GAPVD1: variants seen among roughly 807,000 people sequenced by gnomAD.
GAPVD1 encodes the protein GTPase activating protein and VPS9 domains 1, also known as GTPase-activating protein and VPS9 domain-containing protein 1.
In GAPVD1, 35 loss-of-function variants were observed where a neutral mutation model predicts 155.5. The ratio of observed to expected loss-of-function variants is 0.23; its 90% CI spans 0.17 to 0.30. GAPVD1 has a LOEUF of 0.30. Ranked by LOEUF, GAPVD1 falls within the 10% of genes least tolerant of loss-of-function variation. GAPVD1 has a pLI of 1.00. For synonymous variants in GAPVD1, 636 were observed against 619.7 expected, an observed-to-expected ratio of 1.03 and a Z score of -0.39; for missense variants, 1,429 against 1,775.7, an observed-to-expected ratio of 0.80 and a Z score of 3.51.
At position 125,325,291 on chromosome 9, in the gene GAPVD1, G is replaced by A. The variant is rs1267562114; in HGVS notation, c.1859-1125G>A. On this transcript the variant is annotated intron_variant, in intron 11 of 27. Coordinates refer to ENST00000297933, the MANE Select transcript of GAPVD1 (RefSeq NM_001282680.3). ...AATCCCTAGCACTTTGGGAGGCCAA[G>A]ACAGGCGGATCATGAGGTCAGGAGA... is the stretch of plus-strand genomic sequence containing the variant. Among the ~76,000 whole-genome samples, 3 of 151,354 alleles carry A rather than the reference G, an allele frequency of 2.0e-5. No homozygotes were observed. In the East Asian group the frequency reaches 5.9e-4, roughly 30 times the overall value.
intron 15 of GAPVD1, chr9:125,335,357 G>T: frequency 2.9e-5 from 14 of 482,556 alleles, no homozygotes; most frequent in South Asian, 7.6e-5. Context: ...GCTTTTTTGT[G>T]TTACCATTAA....
chr9:125,293,733 T>C (rs904730308), intron 2 of GAPVD1, among the ~76,000 whole-genome samples: 8 of 80,266 alleles, frequency 1.0e-4, no homozygotes, highest in Non-Finnish European at 1.5e-4. Flanking sequence ...TATAAATATA[T>C]ATTTTATGTT....
chr9:125,271,169 C>T (rs191103026), intron 2 of GAPVD1, among the ~76,000 whole-genome samples: 1 of 152,088 alleles, frequency 6.6e-6, no homozygotes, highest in Admixed American at 6.6e-5. Flanking sequence ...TTAAAAAATA[C>T]AGGCTTTAAA....
rs1465487683 is a variant in GAPVD1 at position 125,363,572 on chromosome 9, C to G, written c.*826C>G. 1 of 152,354 alleles carries G rather than the reference C, an allele frequency of 6.6e-6. No individual in the cohort carries two copies. The highest frequency in any genetic ancestry group is 2.4e-5 in the African/African-American group (1 of 41,430). 9.4% of individuals were successfully genotyped at this position (152,354 alleles called of 1,614,324 possible). On this transcript the variant is annotated 3_prime_UTR_variant, in exon 28 of 28. Coordinates refer to ENST00000297933, the MANE Select transcript of GAPVD1 (RefSeq NM_001282680.3). ...ATTAGGAGATAGACTGATTACCATA[C>G]ATGACATAAAAAGGAACAGTGGATA...
At chr9:125,324,193 C>T (rs1844802541) in intron 11 of GAPVD1, among the ~76,000 whole-genome samples, 1 of 152,082 alleles carries the variant, frequency 6.6e-6, no homozygotes, top group Non-Finnish European at 1.5e-5. Flanking sequence ...TGTAAATACT[C>T]AAGGCTCAAG....
chr9:125,265,498 C>T (rs1029564084), intron 1 of GAPVD1, among the ~76,000 whole-genome samples: 2 of 151,610 alleles, frequency 1.3e-5, no homozygotes, highest in African/African-American at 4.8e-5. Flanking sequence ...GAAACCTCTG[C>T]CTCCCGGGTT....
At position 125,326,564 on chromosome 9, in the gene GAPVD1, T is replaced by C; in HGVS notation, c.2007T>C (p.Asp669=). The part of the protein sequence containing the change: ...VLGSDFDPNI[D]EDRLQEIAGA... Reference sequence around the variant, plus strand: ...GAAGTGACTTTGACCCTAATATTGATGAAGATCGCTTGCAAGAAATTGCAG... The same window carrying C: ...GAAGTGACTTTGACCCTAATATTGACGAAGATCGCTTGCAAGAAATTGCAG... Residue 669 remains aspartate, a synonymous_variant, in exon 12 of 28, where the codon GAT becomes GAC. Coordinates refer to ENST00000297933, the MANE Select transcript of GAPVD1 (RefSeq NM_001282680.3). 6.2e-7 allele frequency: 1 copy of C among 1,612,568 alleles called. No homozygotes were observed. The highest frequency in any genetic ancestry group is 1.1e-5 in the South Asian group (1 of 90,864).
intron 2 of GAPVD1, among the ~76,000 whole-genome samples, chr9:125,293,801 T>A (rs1223202872): frequency 6.3e-5 from 8 of 126,968 alleles, no homozygotes; most frequent in African/African-American, 2.3e-4. Flanking sequence ...TATATAAAAA[T>A]TTTTATATTT....
intron 9 of GAPVD1, among the ~76,000 whole-genome samples, chr9:125,313,206 A>G (rs1199193044): frequency 6.6e-6 from 1 of 152,080 alleles, no homozygotes; most frequent in Admixed American, 6.6e-5. Flanking sequence ...CCCGATCTCC[A>G]AATACCATCA....
chr9:125,281,543 T>C (rs1025726973), intron 2 of GAPVD1, among the ~76,000 whole-genome samples: 1 of 152,200 alleles, frequency 6.6e-6, no homozygotes, highest in African/African-American at 2.4e-5. Flanking sequence ...ATTATTAACA[T>C]CTTATATTAG....
chr9:125,355,603 T>C (rs770696374), intron 24 of GAPVD1, 41 bp from the exon 25 acceptor site: 8 of 1,186,726 alleles, frequency 6.7e-6, no homozygotes, highest in Non-Finnish European at 9.6e-6. Flanking sequence ...ATTTAGATAG[T>C]TTTTATTAAA....
At position 125,359,426 on chromosome 9, in the gene GAPVD1, T is replaced by A; in HGVS notation, c.3978T>A (p.Leu1326=). Residue 1326 remains leucine, a synonymous_variant, in exon 26 of 28, where the codon CTT becomes CTA. Transcript: ENST00000297933. ...TATTTTGGGGGGTTTTCAGGGTTCT[T>A]CATGAACATATCCAGAGATTGTCTA... ...QDGDILRDQV[L]HEHIQRLSKV... is the part of the protein sequence containing the mutation. 6.3e-7 allele frequency: 1 copy of A among 1,580,168 alleles called. No homozygotes were observed. Among genetic ancestry groups the A allele is most frequent in the South Asian group, 1.1e-5 (1 of 90,430 alleles).
chr9:125,268,872 G>A (rs756322514), intron 1 of GAPVD1, 64 bp from the exon 2 acceptor site: 2 of 151,614 alleles, frequency 1.3e-5, no homozygotes, highest in Non-Finnish European at 2.9e-5. Flanking sequence ...GCGAAAGTAG[G>A]TACATTCCAG....
chr9:125,302,795 T>C lies in GAPVD1; in HGVS notation c.998T>C (p.Ile333Thr). Reference protein sequence around the residue: ...EQYGIISDAPINEVARFNLMQ... With the variant: ...EQYGIISDAPTNEVARFNLMQ... ...TATGGAATAATTTCCGATGCTCCTA[T>C]TAATGAAGTAGCACGATTTAATCTG... The change falls in exon 5 of 28, where the codon ATT becomes ACT. Residue 333 changes from isoleucine to threonine, a missense_variant. By Grantham distance (89) the Ile-to-Thr change is moderately conservative. Transcript: ENST00000297933. 6.2e-7 allele frequency: 1 copy of C among 1,608,928 alleles called. No homozygotes were observed. The highest frequency in any genetic ancestry group is 8.5e-7 in the Non-Finnish European group (1 of 1,177,284).
intron 2 of GAPVD1, among the ~76,000 whole-genome samples, chr9:125,293,795 T>G (rs1362470412): frequency 8.0e-6 from 1 of 125,360 alleles, no homozygotes; most frequent in African/African-American, 3.0e-5. Flanking sequence ...ATAAAATATA[T>G]AAAAATTTTT....
intron 23 of GAPVD1, among the ~76,000 whole-genome samples, chr9:125,352,979 G>T (rs1238571532): frequency 4.6e-5 from 7 of 152,000 alleles, no homozygotes; most frequent in East Asian, 1.9e-4. Flanking sequence ...ATGGTGGTGG[G>T]TTCCTGTAAT....
chr9:125,273,955 A>G lies in GAPVD1; in HGVS notation c.-150+4971A>G, dbSNP rs564968517. Reference sequence around the variant, plus strand: ...TTTTTAAAAAAAAATTACTAAAGTAATAAATATTCTTTGTTTTTTATTTTT... The same window carrying G: ...TTTTTAAAAAAAAATTACTAAAGTAGTAAATATTCTTTGTTTTTTATTTTT... On this transcript the variant is annotated intron_variant, in intron 2 of 27. Transcript: ENST00000297933. Among the ~76,000 whole-genome samples, 7 of 151,814 alleles carry G rather than the reference A, an allele frequency of 4.6e-5. No individual in the cohort carries two copies. In the South Asian group the frequency reaches 1.5e-3, roughly 31 times the overall value.
At chr9:125,300,586 G>A (rs1250661164) in intron 4 of GAPVD1, among the ~76,000 whole-genome samples, 3 of 152,082 alleles carry the variant, frequency 2.0e-5, no homozygotes, top group African/African-American at 7.2e-5. Flanking sequence ...AAAAGAGACA[G>A]GACTGATCTT....
At chr9:125,362,579 A>T in intron 27 of GAPVD1, 27 bp from the exon 28 acceptor site, 1 of 1,566,758 alleles carries the variant, frequency 6.4e-7, no homozygotes, top group Non-Finnish European at 8.7e-7. Flanking sequence ...TGAGTAATTG[A>T]TTCTTTTTTA....
Sources: gnomAD v4.1 joint callset for allele counts (sites outside exome capture counted in the v4.1 genomes callset) on GRCh38, gnomAD v4.1.1 for gene constraint, MANE v1.5 for transcripts, NCBI Gene and HGNC (gene_info 2026-07-23, HGNC 2026-07-21) for gene names.